Variants in SV2C observed in about 807,000 individuals in gnomAD.
SV2C encodes synaptic vesicle glycoprotein 2C.
A neutral mutation model predicts 79.7 loss-of-function variants in SV2C; 49 were observed. That is an observed-to-expected ratio of 0.61 (90% CI 0.49 to 0.78). The LOEUF is 0.78. SV2C is among the 30% of genes least tolerant of loss of function. The pLI, the probability that SV2C is intolerant of heterozygous loss-of-function variation, is 0.00. For missense variants in SV2C, 833 were observed against 912.9 expected, an observed-to-expected ratio of 0.91 and a Z score of 1.13; for synonymous variants, 334 against 333.2, an observed-to-expected ratio of 1.00 and a Z score of -0.03.
chr5:76,158,971 C>T (rs567751257), intron 2 of SV2C, among the ~76,000 whole-genome samples: 1 of 151,972 alleles, frequency 6.6e-6, no homozygotes, highest in Non-Finnish European at 1.5e-5. Flanking sequence ...CTCAGGAATG[C>T]CCTGTTGGTT....
intron 4 of SV2C, among the ~76,000 whole-genome samples, chr5:76,229,799 G>T (rs566904452): frequency 5.9e-5 from 9 of 152,220 alleles, no homozygotes; most frequent in Non-Finnish European, 1.3e-4. Context: ...GAGTGATGGG[G>T]AGGGTGAAGA....
chr5:76,338,683 A>T (rs1580087574), downstream of SV2C, among the ~76,000 whole-genome samples: 1 of 135,238 alleles, frequency 7.4e-6, no homozygotes. Context: ...TTTGAGACAG[A>T]TTCTCACTCT....
intron 5 of SV2C, 200 bp downstream of exon 5, chr5:76,285,495 A>G: frequency 1.4e-6 from 1 of 713,898 alleles, no homozygotes; most frequent in Non-Finnish European, 2.2e-6. Context: ...GAAAGCACTC[A>G]TGTTTCTCCT....
At chr5:75,941,673 G>A in the SV2C span, among the ~76,000 whole-genome samples, 1 of 152,186 alleles carries the variant, frequency 6.6e-6, no homozygotes, top group Admixed American at 6.5e-5. Context: ...CCTTGTTATT[G>A]TCTTTTGTTA....
At chr5:75,901,696 G>A in the SV2C span, among the ~76,000 whole-genome samples, 2 of 152,260 alleles carry the variant, frequency 1.3e-5, no homozygotes, top group African/African-American at 4.8e-5. Flanking sequence ...CAGAGGTGGA[G>A]CCTACAGAGG....
chr5:76,026,925 G>A, the SV2C span, among the ~76,000 whole-genome samples: 5 of 152,032 alleles, frequency 3.3e-5, no homozygotes, highest in South Asian at 2.1e-4. Context: ...GCATCCAGAC[G>A]TTGTCGTCCA....
the SV2C span, among the ~76,000 whole-genome samples, chr5:75,930,083 C>G: frequency 2.0e-5 from 3 of 152,172 alleles, no homozygotes; most frequent in Non-Finnish European, 4.4e-5. Flanking sequence ...CTGCTTTCTT[C>G]CCTGATCTGT....
At chr5:76,321,613 C>T (rs976674999) in intron 12 of SV2C, among the ~76,000 whole-genome samples, 2 of 151,810 alleles carry the variant, frequency 1.3e-5, no homozygotes, top group South Asian at 4.2e-4. Context: ...TGGTGGTGCA[C>T]GCCTGTAGTC....
Position 76,206,728 on chromosome 5 carries a change from C to T in SV2C, c.762-3008C>T, listed in dbSNP as rs141690482. Reference sequence around the variant, plus strand: ...AAGAATGAATATGATAAAGTCCCTACCTTCAAGGGGTTTATGGGGTGTGAA... The same window carrying T: ...AAGAATGAATATGATAAAGTCCCTATCTTCAAGGGGTTTATGGGGTGTGAA... On this transcript the variant is annotated intron_variant, in intron 3 of 12. Transcript: ENST00000502798. 1.7e-3 allele frequency among the ~76,000 whole-genome samples: 254 copies of T among 152,286 alleles called. 1 individual carries two copies. Among genetic ancestry groups the T allele is most frequent in the African/African-American group, 5.9e-3 (246 of 41,568 alleles).
intron 6 of SV2C, among the ~76,000 whole-genome samples, chr5:76,290,781 G>A (rs1747536089): frequency 6.6e-6 from 1 of 152,162 alleles, no homozygotes; most frequent in African/African-American, 2.4e-5. Context: ...ATAGTGATGG[G>A]AATGCTTTCA....
intron 1 of SV2C, among the ~76,000 whole-genome samples, chr5:76,111,413 T>C (rs760848225): frequency 2.0e-5 from 3 of 152,212 alleles, no homozygotes; most frequent in Non-Finnish European, 4.4e-5. Context: ...ATGTGAATTA[T>C]GTGAGAGAAA....
At chr5:76,060,837 G>A in the SV2C span, among the ~76,000 whole-genome samples, 15 of 152,096 alleles carry the variant, frequency 9.9e-5, no homozygotes, top group Admixed American at 3.3e-4. Flanking sequence ...CCTTCCTCAC[G>A]AAGCTTATTA....
At chr5:75,884,904 G>C in the SV2C span, among the ~76,000 whole-genome samples, 4 of 152,052 alleles carry the variant, frequency 2.6e-5, no homozygotes, top group Non-Finnish European at 4.4e-5. Flanking sequence ...TGAATCTTCA[G>C]AGTATAATTA....
intron 4 of SV2C, among the ~76,000 whole-genome samples, chr5:76,270,513 C>G (rs1169657867): frequency 6.6e-6 from 1 of 152,112 alleles, no homozygotes; most frequent in Admixed American, 6.5e-5. Context: ...TGCTGGTGAG[C>G]CTTTGCTGAT....
At chr5:76,293,051 G>A (rs1413838262) in intron 8 of SV2C, among the ~76,000 whole-genome samples, 1 of 152,184 alleles carries the variant, frequency 6.6e-6, no homozygotes, top group Admixed American at 6.5e-5. Context: ...TACGGAGAAA[G>A]AAGGAAGCTG....
At chr5:76,123,146 C>T (rs955471773) in intron 1 of SV2C, among the ~76,000 whole-genome samples, 1 of 152,112 alleles carries the variant, frequency 6.6e-6, no homozygotes, top group Non-Finnish European at 1.5e-5. Context: ...ATAAATTCGT[C>T]GACACATACA....
At chr5:76,336,893 GC>G (rs1218461727), downstream of SV2C, among the ~76,000 whole-genome samples, 19 of 152,208 alleles carry the variant, frequency 1.2e-4, no homozygotes, top group Non-Finnish European at 2.4e-4. Context: ...ATGCTGGGGT[GC>G]AGATAACTTT....
chr5:76,188,593 T>C (rs1487566804), intron 2 of SV2C, among the ~76,000 whole-genome samples: 1 of 152,152 alleles, frequency 6.6e-6, no homozygotes, highest in Non-Finnish European at 1.5e-5. Flanking sequence ...ATAAAGTTAT[T>C]TTTCCCCCAT....
intron 2 of SV2C, among the ~76,000 whole-genome samples, chr5:76,187,218 G>A (rs927038872): frequency 6.6e-6 from 1 of 152,164 alleles, no homozygotes; most frequent in Non-Finnish European, 1.5e-5. Context: ...TGTCTGATGG[G>A]CATGCTGTAC....
Sources: allele counts gnomAD v4.1 joint callset (sites outside exome capture counted in the v4.1 genomes callset), GRCh38; gene constraint gnomAD v4.1.1; transcripts MANE v1.5; gene names NCBI Gene and HGNC (gene_info 2026-07-23, HGNC 2026-07-21).